Variants in FAM184A observed in about 807,000 individuals in gnomAD.
FAM184A encodes the protein protein FAM184A.
Under a neutral mutation model 143.8 loss-of-function variants are expected in FAM184A, and 99 were observed. The ratio of observed to expected loss-of-function variants is 0.69; its 90% CI spans 0.58 to 0.81. FAM184A has a LOEUF of 0.81. Among genes scored for constraint, FAM184A ranks in the 40% least tolerant of loss-of-function variants. The pLI, the probability that FAM184A is intolerant of heterozygous loss-of-function variation, is 0.00. For missense variants in FAM184A, 1,217 were observed against 1,310.5 expected, an observed-to-expected ratio of 0.93 and a Z score of 1.10; for synonymous variants, 427 against 446.4, an observed-to-expected ratio of 0.96 and a Z score of 0.55.
At position 119,020,861 on chromosome 6, in the gene FAM184A, C is replaced by G. The variant is rs183031674; in HGVS notation, c.1151-702G>C. Among the ~76,000 whole-genome samples, 123 of 152,148 alleles carry G rather than the reference C, an allele frequency of 8.1e-4. 1 individual carries two copies. Among genetic ancestry groups the G allele is most frequent in the African/African-American group, 2.7e-3 (113 of 41,502 alleles). On this transcript the variant is annotated intron_variant, in intron 3 of 17. Coordinates refer to ENST00000338891, the MANE Select transcript of FAM184A (RefSeq NM_024581.6). ...AGACCTCATCTCCAAATAAAAACAA[C>G]CAACCAACCAACAACTAAGGTGATG...
intron 1 of FAM184A, among the ~76,000 whole-genome samples, chr6:119,091,052 C>T (rs1188255555): frequency 6.6e-6 from 1 of 152,132 alleles, no homozygotes; most frequent in East Asian, 1.9e-4. Context: ...TCTACTAGTC[C>T]TTTGGCATAA....
At chr6:119,068,804 T>G (rs1460455727) in intron 1 of FAM184A, among the ~76,000 whole-genome samples, 1 of 152,030 alleles carries the variant, frequency 6.6e-6, no homozygotes, top group Non-Finnish European at 1.5e-5. Context: ...GTAACCAGAA[T>G]ATGTCAACTG....
chr6:119,065,050 A>C (rs984267072), intron 1 of FAM184A, among the ~76,000 whole-genome samples: 2 of 152,200 alleles, frequency 1.3e-5, no homozygotes, highest in Admixed American at 1.3e-4. Flanking sequence ...TCTTGGGGTA[A>C]CCATCCTCCA....
chr6:119,046,707 T>C (rs1468510638), intron 1 of FAM184A, among the ~76,000 whole-genome samples: 1 of 152,196 alleles, frequency 6.6e-6, no homozygotes, highest in Non-Finnish European at 1.5e-5. Flanking sequence ...GAAAAGGCCA[T>C]ATGACACCAC....
At chr6:119,143,912 A>G (rs1244754697) in intron 1 of FAM184A, among the ~76,000 whole-genome samples, 1 of 152,208 alleles carries the variant, frequency 6.6e-6, no homozygotes, top group Non-Finnish European at 1.5e-5. Context: ...GGTAAATTTT[A>G]TATGTGCATT....
intron 1 of FAM184A, among the ~76,000 whole-genome samples, chr6:119,108,948 C>T (rs1483943692): frequency 6.6e-6 from 1 of 152,162 alleles, no homozygotes; most frequent in Non-Finnish European, 1.5e-5. Context: ...TAAATCTACT[C>T]CCCACTATTT....
chr6:119,111,371 C>G (rs538135563), intron 1 of FAM184A, among the ~76,000 whole-genome samples: 3 of 151,966 alleles, frequency 2.0e-5, no homozygotes, highest in African/African-American at 7.3e-5. Flanking sequence ...GAAGAGGGAA[C>G]GGAGAGTCAG....
In FAM184A at chr6:118,960,120, G is replaced by A. The variant is rs773652152; in HGVS notation, c.3406C>T (p.Arg1136Trp). 3.4e-5 allele frequency: 55 copies of A among 1,613,116 alleles called. No individual in the cohort carries two copies. The highest frequency in any genetic ancestry group is 1.2e-4 in the Admixed American group (7 of 59,914). ...CAATTCTTTCAGAATGTGAAGTACC[G>A]GGCAAACCACTCCTGGCGCTGGGGA... is the stretch of plus-strand genomic sequence containing the variant. ...PDPQRQEWFA[R>W]YFTF Residue 1136 changes from arginine (R) to tryptophan (W), a missense_variant, in exon 18 of 18, where the codon CGG becomes TGG. Coordinates refer to ENST00000338891, the MANE Select transcript of FAM184A (RefSeq NM_024581.6).
intron 1 of FAM184A, among the ~76,000 whole-genome samples, chr6:119,134,360 ATAT>A (rs1370850382): frequency 3.9e-5 from 6 of 152,176 alleles, no homozygotes; most frequent in Non-Finnish European, 8.8e-5. Flanking sequence ...TCTCCTAAAG[ATAT>A]TATTGCACAT....
Position 119,006,504 on chromosome 6 carries a change from C to T in FAM184A, c.1758G>A (p.Glu586=). 1 of 1,614,040 alleles carries T rather than the reference C, an allele frequency of 6.2e-7. No individual in the cohort carries two copies. Among genetic ancestry groups the T allele is most frequent in the East Asian group, 2.2e-5 (1 of 44,862 alleles). The stretch of plus-strand genomic sequence containing the variant: ...TTAGGCTGTCTTTAGTCAAGTCAAG[C>T]TCATTCTGAAGCCTTTCCTGGGAGT... ...LQDSQERLQN[E]LDLTKDSLKE... Residue 586 remains glutamate (E), a synonymous_variant, in exon 7 of 18, where the codon GAG becomes GAA. Coordinates refer to ENST00000338891, the MANE Select transcript of FAM184A (RefSeq NM_024581.6).
intron 1 of FAM184A, chr6:119,069,051 AT>A: frequency 2.6e-6 from 1 of 385,420 alleles, no homozygotes; most frequent in Non-Finnish European, 5.5e-6. Flanking sequence ...TATGTGAAGT[AT>A]TAGGTTGGCA....
intron 9 of FAM184A, among the ~76,000 whole-genome samples, chr6:118,986,818 C>A (rs1230723530): frequency 6.6e-6 from 1 of 152,082 alleles, no homozygotes; most frequent in Non-Finnish European, 1.5e-5. Context: ...GCACATATGT[C>A]AAAATGTCTA....
chr6:118,962,320 G>A (rs1377632964), intron 16 of FAM184A: 1 of 198,896 alleles, frequency 5.0e-6, no homozygotes, highest in Non-Finnish European at 1.0e-5. Context: ...CTTGCAGATA[G>A]AAGGTTAAAT....
At position 118,988,954 on chromosome 6, in the gene FAM184A, A is replaced by ATTTT. The variant is rs71556820; in HGVS notation, c.2089-8608_2089-8605dup. ...TAACATGGTTTTTACTCTGGACATG[A>ATTTT]TTTTTTTTTTTTTTTTTTTTTGAGA... is the stretch of plus-strand genomic sequence containing the variant. On this transcript the variant is annotated intron_variant, in intron 9 of 17. Transcript: ENST00000338891. Among the ~76,000 whole-genome samples the ATTTT allele has an allele frequency of 2.9e-3, 327 of 112,018 alleles. 6 individuals carry two copies. The highest frequency in any genetic ancestry group is 3.7e-3 in the Non-Finnish European group (209 of 56,982). The allele number at this position is 112,018 out of a possible 152,430, so 73.5% of individuals were successfully genotyped here.
intron 2 of FAM184A, 94 bp downstream of exon 2, chr6:119,023,865 G>T: frequency 7.3e-6 from 7 of 960,090 alleles, no homozygotes; most frequent in South Asian, 2.4e-5. Flanking sequence ...TGAAGCCACT[G>T]ATTCTAAGTG....
At chr6:118,988,549 G>C (rs1283223879) in intron 9 of FAM184A, among the ~76,000 whole-genome samples, 2 of 152,186 alleles carry the variant, frequency 1.3e-5, no homozygotes, top group East Asian at 3.8e-4. Context: ...ATGAGTTGCG[G>C]TGAAAACCGC....
rs77605002 is a variant in FAM184A, at chr6:119,029,386, G to A, written c.160-4573C>T. 2.3e-3 allele frequency among the ~76,000 whole-genome samples: 349 copies of A among 152,188 alleles called. 3 individuals carry two copies. The highest frequency in any genetic ancestry group is 8.0e-3 in the African/African-American group (331 of 41,506). ...TTTTTTCTAATATTAAATTTCCCTC[G>A]AAGCTTTGATGAATCAGTTCCAGTC... On this transcript the variant is annotated intron_variant, in intron 1 of 17. Transcript: ENST00000338891.
At chr6:118,997,409 G>A (rs1784604854) in intron 9 of FAM184A, among the ~76,000 whole-genome samples, 1 of 151,792 alleles carries the variant, frequency 6.6e-6, no homozygotes, top group Non-Finnish European at 1.5e-5. Flanking sequence ...AAGAATAGCA[G>A]CCGGGCGCAG....
intron 1 of FAM184A, among the ~76,000 whole-genome samples, chr6:119,034,080 A>G (rs1786019012): frequency 7.1e-6 from 1 of 141,280 alleles, no homozygotes; most frequent in African/African-American, 2.6e-5. Flanking sequence ...AGAGAGTTAA[A>G]TCCAAGAAAT....
Sources: gnomAD v4.1 joint callset for allele counts (sites outside exome capture counted in the v4.1 genomes callset) on GRCh38, gnomAD v4.1.1 for gene constraint, MANE v1.5 for transcripts, NCBI Gene and HGNC (gene_info 2026-07-23, HGNC 2026-07-21) for gene names.